The following RALGAPA2 variants were observed in gnomAD, a reference collection of about 807,000 sequenced individuals.
RALGAPA2 encodes ral GTPase-activating protein subunit alpha-2.
Under a neutral mutation model 230.4 loss-of-function variants are expected in RALGAPA2, and 139 were observed. The observed-to-expected ratio is 0.60, with a 90% confidence interval of 0.53 to 0.69. The LOEUF is 0.69. RALGAPA2 is among the 30% of genes least tolerant of loss of function. RALGAPA2 has a pLI of 0.00. For missense variants in RALGAPA2, 2,163 were observed against 2,276.0 expected (o/e 0.95, Z 1.01); for synonymous variants, 847 against 837.8 (o/e 1.01, Z -0.19).
intron 20 of RALGAPA2, among the ~76,000 whole-genome samples, chr20:20,580,942 A>C (rs562000877): frequency 6.6e-5 from 10 of 152,232 alleles, no homozygotes; most frequent in Admixed American, 3.3e-4. Context: ...AATCAGGCTC[A>C]TATGAGTTTT....
intron 23 of RALGAPA2, among the ~76,000 whole-genome samples, chr20:20,548,989 T>G (rs965825532): frequency 6.6e-6 from 1 of 152,174 alleles, no homozygotes; most frequent in Non-Finnish European, 1.5e-5. Flanking sequence ...CAAACAACCA[T>G]GATGTTAACT....
intron 23 of RALGAPA2, among the ~76,000 whole-genome samples, chr20:20,550,623 G>A (rs1258160481): frequency 2.0e-5 from 3 of 152,300 alleles, no homozygotes; most frequent in East Asian, 1.9e-4. Flanking sequence ...GCACTCTGAC[G>A]TGGTGAAAAG....
At chr20:20,639,948 T>A in intron 6 of RALGAPA2, 48 bp from the exon 7 acceptor site, 1 of 1,401,462 alleles carries the variant, frequency 7.1e-7, no homozygotes. Context: ...AGTTAAATTT[T>A]AAACAGAATT....
chr20:20,400,617 A>G (rs2059812494), intron 38 of RALGAPA2, among the ~76,000 whole-genome samples: 2 of 152,320 alleles, frequency 1.3e-5, no homozygotes, highest in South Asian at 4.1e-4. Context: ...AAATGTTTCC[A>G]GACTCTCTCA....
chr20:20,449,997 T>G (rs2060952010), intron 37 of RALGAPA2, among the ~76,000 whole-genome samples: 1 of 152,242 alleles, frequency 6.6e-6, no homozygotes, highest in African/African-American at 2.4e-5. Flanking sequence ...TGCCTTCAGA[T>G]GATACTCTTA....
At chr20:20,565,177 A>G (rs947089288) in intron 23 of RALGAPA2, among the ~76,000 whole-genome samples, 3 of 152,252 alleles carry the variant, frequency 2.0e-5, no homozygotes, top group Non-Finnish European at 4.4e-5. Flanking sequence ...CAGGGATTTG[A>G]GATAAACAAG....
At chr20:20,693,069 T>C (rs1309944453) in intron 1 of RALGAPA2, among the ~76,000 whole-genome samples, 1 of 152,194 alleles carries the variant, frequency 6.6e-6, no homozygotes, top group Admixed American at 6.5e-5. Flanking sequence ...TGAAAGCATA[T>C]TGTTTTCATT....
chr20:20,526,945 T>C (rs2063220903), intron 27 of RALGAPA2, among the ~76,000 whole-genome samples: 1 of 152,234 alleles, frequency 6.6e-6, no homozygotes, highest in Non-Finnish European at 1.5e-5. Context: ...TTGAGTATGT[T>C]TCCTGAGGCT....
At chr20:20,529,782 G>A (rs1005975823) in intron 27 of RALGAPA2, among the ~76,000 whole-genome samples, 6 of 152,202 alleles carry the variant, frequency 3.9e-5, no homozygotes, top group East Asian at 1.9e-4. Flanking sequence ...ATCACCTAGC[G>A]ACACTCTTCT....
rs1363464919 is a variant in RALGAPA2, at chr20:20,437,968, G to T, written c.5496-25820C>A. Among the ~76,000 whole-genome samples the T allele has an allele frequency of 1.3e-5, 2 of 152,144 alleles. No homozygotes were observed. The highest frequency in any genetic ancestry group is 2.9e-5 in the Non-Finnish European group (2 of 68,034). ...CACTGCAGTGGTTCCAGTGGATCCT[G>T]ACTCCGTGGTTCTTATGAATCCCGC... On this transcript the variant is annotated intron_variant, in intron 37 of 39. Coordinates refer to ENST00000202677, the MANE Select transcript of RALGAPA2 (RefSeq NM_020343.4). This position sits in a 1 kb window ranked among gnomAD's most constrained non-coding sequence, Gnocchi z 4.1.
At chr20:20,611,508 A>C (rs2065974598) in intron 13 of RALGAPA2, 82 bp from the exon 14 acceptor site, 3 of 1,510,282 alleles carry the variant, frequency 2.0e-6, no homozygotes, top group Non-Finnish European at 2.7e-6. Flanking sequence ...AATTCTCTTA[A>C]GAATTCAGCA....
intron 5 of RALGAPA2, 117 bp downstream of exon 5, chr20:20,643,389 A>C (rs577988370): frequency 1.3e-4 from 123 of 968,614 alleles, no homozygotes; most frequent in Middle Eastern, 2.6e-4. Context: ...TTAAAAATTA[A>C]AACTAAGTCA....
At chr20:20,517,584 A>C (rs1369191918) in intron 31 of RALGAPA2, among the ~76,000 whole-genome samples, 2 of 152,292 alleles carry the variant, frequency 1.3e-5, no homozygotes, top group Non-Finnish European at 2.9e-5. Context: ...CGGGGAAATG[A>C]GATAAGCTTC....
At chr20:20,501,265 T>C (rs1367934865) in intron 35 of RALGAPA2, among the ~76,000 whole-genome samples, 4 of 152,266 alleles carry the variant, frequency 2.6e-5, no homozygotes, top group Non-Finnish European at 4.4e-5. Context: ...CTTCTTCCAA[T>C]AGAAGGCTGT....
intron 33 of RALGAPA2, among the ~76,000 whole-genome samples, chr20:20,510,064 T>G (rs894856435): frequency 6.6e-6 from 1 of 152,160 alleles, no homozygotes; most frequent in Non-Finnish European, 1.5e-5. Context: ...CACTTTGGGT[T>G]TCGATCAAAA....
At chr20:20,606,042 C>T (rs2065810485) in intron 14 of RALGAPA2, among the ~76,000 whole-genome samples, 1 of 152,144 alleles carries the variant, frequency 6.6e-6, no homozygotes, top group Non-Finnish European at 1.5e-5. Flanking sequence ...CTCCAGCCAA[C>T]CCCACTTCCC....
chr20:20,691,808 T>TTTGGATA (rs2068922315), intron 1 of RALGAPA2, among the ~76,000 whole-genome samples: 1 of 152,158 alleles, frequency 6.6e-6, no homozygotes, highest in South Asian at 2.1e-4. Flanking sequence ...AGTGATATAG[T>TTTGGATA]TTGGATATTT....
chr20:20,511,169 T>C lies in RALGAPA2; in HGVS notation c.4928+85A>G, dbSNP rs982553928. The C allele has an allele frequency of 2.6e-6, 4 of 1,523,034 alleles. No individual in the cohort carries two copies. The African/African-American group carries it at 5.6e-5, about 21-fold the overall frequency. The allele number at this position is 1,523,034 out of a possible 1,614,324, so 94.3% of individuals were successfully genotyped here. On this transcript the variant is annotated intron_variant, in intron 33 of 39. Coordinates refer to ENST00000202677, the MANE Select transcript of RALGAPA2 (RefSeq NM_020343.4). ...AACTACCCTTGGATGTCTCAGTAAG[T>C]CTATTCATTCCTGCTGTTGTATCTG...
chr20:20,600,660 C>A (rs569208650), intron 16 of RALGAPA2, among the ~76,000 whole-genome samples: 1 of 152,322 alleles, frequency 6.6e-6, no homozygotes, highest in East Asian at 1.9e-4. Context: ...GATCTTGCGA[C>A]TTTCTGAAGT....
Sources: allele counts gnomAD v4.1 joint callset (sites outside exome capture counted in the v4.1 genomes callset), GRCh38; gene constraint gnomAD v4.1.1; non-coding constraint Gnocchi (gnomAD v3.1); transcripts MANE v1.5; gene names NCBI Gene and HGNC (gene_info 2026-07-23, HGNC 2026-07-21).